The following ANKFN1 variants were observed in gnomAD, a reference collection of about 807,000 sequenced individuals.
The protein encoded by ANKFN1 is ankyrin repeat and fibronectin type III domain containing 1.
A neutral mutation model predicts 108.7 loss-of-function variants in ANKFN1; 74 were observed. The ratio of observed to expected loss-of-function variants is 0.68; its 90% CI spans 0.56 to 0.83. The LOEUF (loss-of-function observed/expected upper bound fraction) is 0.83. Among genes scored for constraint, ANKFN1 ranks in the 40% least tolerant of loss-of-function variants. The pLI is 0.00. For synonymous variants in ANKFN1, 547 were observed against 516.2 expected (o/e 1.06, Z -0.81); for missense variants, 1,505 against 1,382.3 (o/e 1.09, Z -1.41).
At chr17:56,255,729 C>T (rs777671104) in intron 3 of ANKFN1, among the ~76,000 whole-genome samples, 43 of 152,198 alleles carry the variant, frequency 2.8e-4, no homozygotes, top group Non-Finnish European at 4.3e-4. Context: ...CATTTACACA[C>T]GCTTGTTAAA....
intron 4 of ANKFN1, among the ~76,000 whole-genome samples, chr17:56,132,618 A>T (rs1907349515): frequency 6.6e-6 from 1 of 152,190 alleles, no homozygotes; most frequent in African/African-American, 2.4e-5. Context: ...ATAACAAAAT[A>T]TACTCAAATG....
chr17:56,097,994 C>T (rs1456364702), intron 4 of ANKFN1, among the ~76,000 whole-genome samples: 1 of 152,124 alleles, frequency 6.6e-6, no homozygotes, highest in Non-Finnish European at 1.5e-5. Context: ...AGTTAAGGAT[C>T]TTGAAAAGGG....
intron 3 of ANKFN1, among the ~76,000 whole-genome samples, chr17:56,321,365 G>A (rs893501859): frequency 5.3e-5 from 8 of 151,820 alleles, no homozygotes; most frequent in Non-Finnish European, 8.8e-5. Flanking sequence ...ATTAGGGAAC[G>A]GAAGTAGGCT....
intron 4 of ANKFN1, among the ~76,000 whole-genome samples, chr17:56,050,996 G>A (rs1180843146): frequency 1.6e-5 from 2 of 123,220 alleles, no homozygotes; most frequent in Non-Finnish European, 3.4e-5. Context: ...GGTACAAGGA[G>A]GAACTGGTAC....
At chr17:56,442,222 T>C (rs1480785561) in intron 9 of ANKFN1, among the ~76,000 whole-genome samples, 1 of 152,214 alleles carries the variant, frequency 6.6e-6, no homozygotes, top group Non-Finnish European at 1.5e-5. Context: ...GAAGGATGTT[T>C]ATTGCAGCAT....
chr17:56,480,583 G>C, intron 16 of ANKFN1, 85 bp from the exon 17 acceptor site: 1 of 1,422,570 alleles, frequency 7.0e-7, no homozygotes, highest in East Asian at 2.3e-5. Context: ...GGTTATCCAG[G>C]TTCTGGACAC....
chr17:56,204,811 C>T (rs1914381859), intron 1 of ANKFN1, among the ~76,000 whole-genome samples: 4 of 152,116 alleles, frequency 2.6e-5, no homozygotes, highest in Admixed American at 2.6e-4. Flanking sequence ...CGCGGTGGCT[C>T]ACGCCCGTAA....
intron 19 of ANKFN1, among the ~76,000 whole-genome samples, chr17:56,498,031 A>C (rs907774217): frequency 2.0e-5 from 3 of 152,152 alleles, no homozygotes; most frequent in African/African-American, 7.2e-5. Flanking sequence ...ATTTTATGCA[A>C]ATAGGCTTCA....
intron 4 of ANKFN1, among the ~76,000 whole-genome samples, chr17:56,108,261 C>T (rs1020767645): frequency 2.0e-5 from 3 of 152,210 alleles, no homozygotes; most frequent in African/African-American, 7.2e-5. Context: ...GTCTCAATCT[C>T]TTGACCTCGT....
intron 2 of ANKFN1, among the ~76,000 whole-genome samples, chr17:56,226,836 AC>A (rs1239947809): frequency 6.6e-6 from 1 of 152,080 alleles, no homozygotes; most frequent in African/African-American, 2.4e-5. Flanking sequence ...CATTAGGAGG[AC>A]TTTATCTAAC....
At chr17:56,471,296 T>C (rs1326364807) in intron 15 of ANKFN1, 2 of 144,164 alleles carry the variant, frequency 1.4e-5, no homozygotes, top group East Asian at 4.6e-4. Flanking sequence ...TTTGTGATCC[T>C]AGGGAAGCTG....
intron 20 of ANKFN1, among the ~76,000 whole-genome samples, chr17:56,508,512 T>C (rs2145486384): frequency 6.6e-6 from 1 of 152,338 alleles, no homozygotes; most frequent in Middle Eastern, 3.4e-3. Flanking sequence ...GGACTACTTG[T>C]GCTCTTTCTT....
intron 4 of ANKFN1, among the ~76,000 whole-genome samples, chr17:56,059,693 C>G (rs1904940971): frequency 6.6e-6 from 1 of 152,118 alleles, no homozygotes; most frequent in Non-Finnish European, 1.5e-5. Context: ...AATAGGAGAT[C>G]CTTTCCCTAT....
At chr17:56,233,080 G>A (rs1446708902) in intron 3 of ANKFN1, among the ~76,000 whole-genome samples, 1 of 151,960 alleles carries the variant, frequency 6.6e-6, no homozygotes, top group Non-Finnish European at 1.5e-5. Flanking sequence ...GCATGTAAAT[G>A]CAAGCTCAAA....
chr17:56,229,109 C>T (rs371117890), intron 3 of ANKFN1, among the ~76,000 whole-genome samples: 3 of 152,042 alleles, frequency 2.0e-5, no homozygotes, highest in Non-Finnish European at 4.4e-5. Flanking sequence ...AATACTCAAG[C>T]GTTAGCACAA....
chr17:56,196,447 G>A (rs1020453635), intron 1 of ANKFN1, among the ~76,000 whole-genome samples: 4 of 152,122 alleles, frequency 2.6e-5, no homozygotes, highest in African/African-American at 9.7e-5. Flanking sequence ...TCAATCCTGA[G>A]AAAGGGCCAG....
At chr17:56,455,614 T>C (rs2049663068) in intron 11 of ANKFN1, among the ~76,000 whole-genome samples, 1 of 152,186 alleles carries the variant, frequency 6.6e-6, no homozygotes, top group Non-Finnish European at 1.5e-5. Flanking sequence ...ACAACCTCAT[T>C]TTCCCTTCAT....
At position 56,244,606 on chromosome 17, in the gene ANKFN1, T is replaced by C. The variant is rs138343452; in HGVS notation, c.53+16649T>C. ...TTTTTTGGATTTTTGTGCTTGAAAC[T>C]ATATGCTGAGTCATTTCATGAATCC... On this transcript the variant is annotated intron_variant, in intron 3 of 20. Coordinates refer to ENST00000682825, the MANE Select transcript of ANKFN1 (RefSeq NM_001370326.1). Among the ~76,000 whole-genome samples, 227 of 152,260 alleles carry C rather than the reference T, an allele frequency of 1.5e-3. 1 individual carries two copies. Among genetic ancestry groups the C allele is most frequent in the African/African-American group, 5.2e-3 (218 of 41,544 alleles).
chr17:56,493,409 G>A (rs925730977), intron 19 of ANKFN1, among the ~76,000 whole-genome samples: 1 of 152,126 alleles, frequency 6.6e-6, no homozygotes, highest in Non-Finnish European at 1.5e-5. Flanking sequence ...GAAACAGAAT[G>A]TAGAGCATTC....
Sources: gnomAD v4.1 joint callset for allele counts (sites outside exome capture counted in the v4.1 genomes callset) on GRCh38, gnomAD v4.1.1 for gene constraint, MANE v1.5 for transcripts, NCBI Gene and HGNC (gene_info 2026-07-23, HGNC 2026-07-21) for gene names.